SLC44A5: variants seen among roughly 807,000 people sequenced by gnomAD.
The protein encoded by SLC44A5 is choline transporter-like protein 5.
Under a neutral mutation model 101.8 loss-of-function variants are expected in SLC44A5, and 57 were observed. That is an observed-to-expected ratio of 0.56 (90% confidence interval 0.45 to 0.70). SLC44A5 has a LOEUF of 0.70. Among genes scored for constraint, SLC44A5 ranks in the 30% least tolerant of loss-of-function variants. The pLI is 0.00. For synonymous variants in SLC44A5, 281 were observed against 290.9 expected, an observed-to-expected ratio of 0.97 and a Z score of 0.35; for missense variants, 737 against 853.1, an observed-to-expected ratio of 0.86 and a Z score of 1.70.
At chr1:75,509,965 T>G (rs1185632737) in intron 2 of SLC44A5, among the ~76,000 whole-genome samples, 1 of 152,080 alleles carries the variant, frequency 6.6e-6, no homozygotes, top group Non-Finnish European at 1.5e-5. Flanking sequence ...GGTCTCACAA[T>G]CATGATGGAG....
At chr1:75,295,005 A>C (rs552592967) in intron 5 of SLC44A5, among the ~76,000 whole-genome samples, 100 of 152,294 alleles carry the variant, frequency 6.6e-4, no homozygotes, top group African/African-American at 2.4e-3. Context: ...AAATTTGCTA[A>C]GAGAATATAT....
At position 75,525,528 on chromosome 1, in the gene SLC44A5, G is replaced by A. The variant is rs776058543; in HGVS notation, c.13+15907C>T. On this transcript the variant is annotated intron_variant, in intron 2 of 23. Coordinates refer to ENST00000370859, the MANE Select transcript of SLC44A5 (RefSeq NM_001130058.2). ...AACTGTCCTGCCATGTCTTCAAAAA[G>A]TAAATGCTATAAAAAAGAAATAAAG... Among the ~76,000 whole-genome samples, 16 of 152,072 alleles carry A rather than the reference G, an allele frequency of 1.1e-4. No individual in the cohort carries two copies. The East Asian group carries it at 2.9e-3, about 28-fold the overall frequency.
intron 5 of SLC44A5, among the ~76,000 whole-genome samples, chr1:75,291,310 A>G (rs1653523263): frequency 6.6e-6 from 1 of 152,106 alleles, no homozygotes; most frequent in Non-Finnish European, 1.5e-5. Context: ...TCCTTCATTC[A>G]TTGTACAAAT....
intron 2 of SLC44A5, among the ~76,000 whole-genome samples, chr1:75,430,887 A>G (rs1421954113): frequency 6.6e-6 from 1 of 152,192 alleles, no homozygotes; most frequent in Non-Finnish European, 1.5e-5. Context: ...ACTCTCTACT[A>G]TTCCCCACCA....
chr1:75,331,725 G>A lies in SLC44A5; in HGVS notation c.101+7857C>T, dbSNP rs575231663. On this transcript the variant is annotated intron_variant, in intron 4 of 23. Transcript: ENST00000370859. ...CCTACCCACCCACTACCTAAGTCCC[G>A]CTCCCATCCACCTTGCTGCACTCAC... Among the ~76,000 whole-genome samples, 13 of 152,056 alleles carry A rather than the reference G, an allele frequency of 8.5e-5. No individual in the cohort carries two copies. The East Asian group carries it at 2.5e-3, about 29-fold the overall frequency.
At position 75,398,356 on chromosome 1, in the gene SLC44A5, T is replaced by G. The variant is rs564490179; in HGVS notation, c.14-1735A>C. ...GCTATATAAACTAGTAAATTTCACC[T>G]GCAGACCCAGTCCCATTTGGAATCA... On this transcript the variant is annotated intron_variant, in intron 2 of 23. Coordinates refer to ENST00000370859, the MANE Select transcript of SLC44A5 (RefSeq NM_001130058.2). 5.1e-6 allele frequency: 5 copies of G among 985,230 alleles called. No homozygotes were observed. In the African/African-American group the frequency reaches 7.0e-5, roughly 14 times the overall value. 61.0% of individuals were successfully genotyped at this position (985,230 alleles called of 1,614,324 possible).
At chr1:75,408,777 C>A (rs1328217995) in intron 2 of SLC44A5, among the ~76,000 whole-genome samples, 1 of 152,084 alleles carries the variant, frequency 6.6e-6, no homozygotes, top group Non-Finnish European at 1.5e-5. Context: ...TTGATGGGTG[C>A]AGCAAACCAC....
At chr1:75,592,040 C>A (rs1004436246) in intron 1 of SLC44A5, among the ~76,000 whole-genome samples, 1 of 151,892 alleles carries the variant, frequency 6.6e-6, no homozygotes, top group African/African-American at 2.4e-5. Context: ...AACAATCAGA[C>A]AAGAGAAAAA....
chr1:75,711,710 T>A, the SLC44A5 span, among the ~76,000 whole-genome samples: 10 of 152,148 alleles, frequency 6.6e-5, no homozygotes, highest in Non-Finnish European at 1.3e-4. Context: ...AGGCAAGAGA[T>A]GTGGGGGTAC....
upstream of SLC44A5, among the ~76,000 whole-genome samples, chr1:75,612,545 C>G (rs1301423349): frequency 6.6e-6 from 1 of 152,160 alleles, no homozygotes; most frequent in African/African-American, 2.4e-5. Flanking sequence ...ATCATTTGCT[C>G]GCACATCACT....
chr1:75,463,526 T>C (rs1304854134), intron 2 of SLC44A5, among the ~76,000 whole-genome samples: 2 of 149,744 alleles, frequency 1.3e-5, no homozygotes, highest in African/African-American at 4.9e-5. Flanking sequence ...TCAGTGGAAA[T>C]CTTACAGGCC....
In SLC44A5 at chr1:75,396,439, G is replaced by T. The variant is rs1015257857; in HGVS notation, c.52+144C>A. On this transcript the variant is annotated intron_variant, in intron 3 of 23. Transcript: ENST00000370859. ...AAGGAGAAACAGACAGTTGAAAGAA[G>T]AATCCAAAAAAAGCTTCAGTCAGCA... 16 of 690,528 alleles carry T rather than the reference G, an allele frequency of 2.3e-5. No individual in the cohort carries two copies. In the African/African-American group the frequency reaches 2.5e-4, roughly 11 times the overall value. 42.8% of individuals were successfully genotyped at this position (690,528 alleles called of 1,614,324 possible).
chr1:75,718,897 T>C, the SLC44A5 span, among the ~76,000 whole-genome samples: 1 of 152,242 alleles, frequency 6.6e-6, no homozygotes, highest in Non-Finnish European at 1.5e-5. Flanking sequence ...TCCTTCTCTC[T>C]ATATGAGTTC....
chr1:75,486,340 G>C (rs911542931), intron 2 of SLC44A5, among the ~76,000 whole-genome samples: 1 of 152,118 alleles, frequency 6.6e-6, no homozygotes, highest in Non-Finnish European at 1.5e-5. Context: ...GCATATGTCT[G>C]TGTGTGTAGA....
At chr1:75,650,720 A>C in the SLC44A5 span, among the ~76,000 whole-genome samples, 1 of 152,194 alleles carries the variant, frequency 6.6e-6, no homozygotes, top group Non-Finnish European at 1.5e-5. Context: ...TCTGGGCTCA[A>C]GCGATTCTCC....
chr1:75,681,678 T>C, the SLC44A5 span, among the ~76,000 whole-genome samples: 1 of 149,090 alleles, frequency 6.7e-6, no homozygotes. Context: ...ACTGGAAGCA[T>C]TCCCTTTGAA....
intron 1 of SLC44A5, among the ~76,000 whole-genome samples, chr1:75,581,218 C>CA (rs1440599634): frequency 6.6e-6 from 1 of 152,154 alleles, no homozygotes; most frequent in Non-Finnish European, 1.5e-5. Flanking sequence ...CATTAGTAGA[C>CA]AAAATCTTAA....
intron 2 of SLC44A5, among the ~76,000 whole-genome samples, chr1:75,488,963 C>T (rs910901382): frequency 6.6e-6 from 1 of 152,164 alleles, no homozygotes; most frequent in Non-Finnish European, 1.5e-5. Flanking sequence ...ATTCTCCTGC[C>T]TCAGCCTCCC....
chr1:75,426,249 TA>T lies in SLC44A5; in HGVS notation c.14-29629del, dbSNP rs578037583. Among the ~76,000 whole-genome samples, 82 of 152,340 alleles carry T rather than the reference TA, an allele frequency of 5.4e-4. 1 individual carries two copies. Among genetic ancestry groups the T allele is most frequent in the African/African-American group, 1.8e-3 (75 of 41,572 alleles). On this transcript the variant is annotated intron_variant, in intron 2 of 23. Coordinates refer to ENST00000370859, the MANE Select transcript of SLC44A5 (RefSeq NM_001130058.2). ...AAACCGTAGCAGGATTTAGTTAATT[TA>T]CGGTGGGAAAATATGATTCTGAAAG...
Sources: gnomAD v4.1 joint callset for allele counts (sites outside exome capture counted in the v4.1 genomes callset) on GRCh38, gnomAD v4.1.1 for gene constraint, MANE v1.5 for transcripts, NCBI Gene and HGNC (gene_info 2026-07-23, HGNC 2026-07-21) for gene names.